The following CTNNA2 variants were observed in gnomAD, a reference collection of about 807,000 sequenced individuals.
CTNNA2 encodes catenin alpha 2.
CTNNA2 carries 42 observed loss-of-function variants against 101.0 expected under a neutral mutation model. The ratio of observed to expected loss-of-function variants is 0.42; its 90% CI spans 0.32 to 0.54. The LOEUF (loss-of-function observed/expected upper bound fraction) is 0.54, where lower values mean the gene tolerates loss of function less well. Among genes scored for constraint, CTNNA2 ranks in the 20% least tolerant of loss-of-function variants. The probability of loss-of-function intolerance (pLI) is 0.14; values close to 1 mark genes in which losing one functional copy is unlikely to be tolerated. For synonymous variants in CTNNA2, 450 were observed against 456.4 expected (o/e 0.99, Z 0.18); for missense variants, 871 against 1,223.1 (o/e 0.71, Z 4.29).
intron 7 of CTNNA2, among the ~76,000 whole-genome samples, chr2:80,105,322 G>T (rs1700809526): frequency 6.6e-6 from 1 of 152,294 alleles, no homozygotes; most frequent in African/African-American, 2.4e-5. Flanking sequence ...AACAAGAAAT[G>T]CTCTAGTGAA....
chr2:79,345,442 C>T (rs1677240737), intron 3 of CTNNA2, among the ~76,000 whole-genome samples: 2 of 152,130 alleles, frequency 1.3e-5, no homozygotes, highest in South Asian at 4.1e-4. Context: ...TGTGATTATT[C>T]ATGGTCCCAC....
rs543020660 is a variant in CTNNA2, at chr2:80,558,338, T to C, written c.1741+2445T>C. Among the ~76,000 whole-genome samples the C allele has an allele frequency of 3.9e-5, 6 of 152,346 alleles. No homozygotes were observed. In the East Asian group the frequency reaches 1.2e-3, roughly 29 times the overall value. On this transcript the variant is annotated intron_variant, in intron 12 of 18. Transcript: ENST00000402739. ...AAACTTCAGCTATTAACTCACTGAC[T>C]GCTAATGAGAATTGCTGGGGAATGT... is the stretch of plus-strand genomic sequence containing the variant.
chr2:79,400,091 G>A (rs1678273440), intron 4 of CTNNA2, among the ~76,000 whole-genome samples: 1 of 152,020 alleles, frequency 6.6e-6, no homozygotes, highest in Admixed American at 6.6e-5. Context: ...GTCCAGAAAG[G>A]CAGGACAACT....
intron 1 of CTNNA2, among the ~76,000 whole-genome samples, chr2:79,197,734 C>T (rs546517026): frequency 1.6e-4 from 24 of 152,200 alleles, no homozygotes; most frequent in African/African-American, 5.5e-4. Flanking sequence ...GCCTCTGTGC[C>T]GTGGGTTTTA....
intron 7 of CTNNA2, among the ~76,000 whole-genome samples, chr2:80,072,114 T>C (rs1698388004): frequency 6.6e-6 from 1 of 152,192 alleles, no homozygotes; most frequent in Admixed American, 6.5e-5. Context: ...AAACACTGGC[T>C]TTAAAAATAG....
At chr2:79,754,322 G>A (rs1672255106) in intron 3 of CTNNA2, among the ~76,000 whole-genome samples, 1 of 152,096 alleles carries the variant, frequency 6.6e-6, no homozygotes, top group South Asian at 2.1e-4. Flanking sequence ...TAATGACCTG[G>A]TGCCTCCCTG....
At chr2:79,702,784 T>A (rs2104765121) in intron 2 of CTNNA2, among the ~76,000 whole-genome samples, 1 of 152,314 alleles carries the variant, frequency 6.6e-6, no homozygotes, top group African/African-American at 2.4e-5. Context: ...CTTACCTAAA[T>A]TGACTAGTTT....
At chr2:79,382,862 C>T (rs1375941845) in intron 4 of CTNNA2, among the ~76,000 whole-genome samples, 1 of 152,218 alleles carries the variant, frequency 6.6e-6, no homozygotes, top group African/African-American at 2.4e-5. Flanking sequence ...GATCCACCCG[C>T]CTTGGCCTCC....
At chr2:79,591,409 T>C (rs1676837125) in intron 1 of CTNNA2, among the ~76,000 whole-genome samples, 1 of 152,194 alleles carries the variant, frequency 6.6e-6, no homozygotes, top group Non-Finnish European at 1.5e-5. Context: ...ATTGATGCAT[T>C]ATCACTCCTA....
At chr2:80,542,206 G>T (rs1691625523) in intron 9 of CTNNA2, among the ~76,000 whole-genome samples, 1 of 151,404 alleles carries the variant, frequency 6.6e-6, no homozygotes, top group African/African-American at 2.4e-5. Flanking sequence ...TTCCTTGATG[G>T]TTTCATAAAT....
At chr2:80,469,871 T>C (rs2149484289) in intron 9 of CTNNA2, among the ~76,000 whole-genome samples, 1 of 152,306 alleles carries the variant, frequency 6.6e-6, no homozygotes, top group South Asian at 2.1e-4. Flanking sequence ...CACTATCTTA[T>C]TTTTGGCTTC....
intron 7 of CTNNA2, among the ~76,000 whole-genome samples, chr2:80,282,920 A>T (rs1367592267): frequency 6.6e-6 from 1 of 152,118 alleles, no homozygotes; most frequent in Non-Finnish European, 1.5e-5. Context: ...TAAAAGGAGA[A>T]GATATTGGTC....
intron 11 of CTNNA2, among the ~76,000 whole-genome samples, chr2:80,549,431 A>G (rs550534615): frequency 6.6e-6 from 1 of 152,188 alleles, no homozygotes; most frequent in Non-Finnish European, 1.5e-5. Flanking sequence ...GGTTTACAAC[A>G]GTCAAATAGT....
At position 80,309,697 on chromosome 2, in the gene CTNNA2, A is replaced by AT. The variant is rs754042797; in HGVS notation, c.1057-83505dup. ...GTCACTTCTGTGTTTCTCTATTTAC[A>AT]TTTTTTTTTGTTTTTGAGACGGAGT... On this transcript the variant is annotated intron_variant, in intron 7 of 18. Coordinates refer to ENST00000402739, the MANE Select transcript of CTNNA2 (RefSeq NM_001282597.3). Among the ~76,000 whole-genome samples the AT allele has an allele frequency of 3.1e-3, 425 of 136,100 alleles. 3 individuals carry two copies. The highest frequency in any genetic ancestry group is 8.8e-3 in the African/African-American group (321 of 36,434). 89.3% of individuals were successfully genotyped at this position (136,100 alleles called of 152,430 possible).
chr2:79,633,384 A>C (rs2104372202), intron 1 of CTNNA2, among the ~76,000 whole-genome samples: 1 of 152,302 alleles, frequency 6.6e-6, no homozygotes, highest in South Asian at 2.1e-4. Flanking sequence ...AGTTGCTATC[A>C]CATCTTGTTT....
intron 1 of CTNNA2, among the ~76,000 whole-genome samples, chr2:79,570,211 T>G (rs1001091306): frequency 5.9e-5 from 9 of 152,168 alleles, no homozygotes; most frequent in Non-Finnish European, 1.2e-4. Flanking sequence ...GAATATAACT[T>G]CATCACTGTC....
At chr2:79,361,555 G>T (rs747521359) in intron 3 of CTNNA2, among the ~76,000 whole-genome samples, 1 of 152,152 alleles carries the variant, frequency 6.6e-6, no homozygotes, top group Non-Finnish European at 1.5e-5. Context: ...CATATTTAAA[G>T]AAGTCAGCTG....
At chr2:79,540,053 G>C (rs1052284408) in intron 1 of CTNNA2, among the ~76,000 whole-genome samples, 4 of 152,146 alleles carry the variant, frequency 2.6e-5, no homozygotes, top group African/African-American at 7.2e-5. Flanking sequence ...CAACCTTCAT[G>C]AGAACAGGAA....
chr2:79,845,322 C>G (rs1026893492), intron 3 of CTNNA2, among the ~76,000 whole-genome samples: 20 of 151,724 alleles, frequency 1.3e-4, no homozygotes, highest in African/African-American at 4.8e-4. Flanking sequence ...TGTTGAATAT[C>G]TAGGACCTAG....
Sources: gnomAD v4.1 joint callset for allele counts (sites outside exome capture counted in the v4.1 genomes callset) on GRCh38, gnomAD v4.1.1 for gene constraint, MANE v1.5 for transcripts, NCBI Gene and HGNC (gene_info 2026-07-23, HGNC 2026-07-21) for gene names.